The following TNFSF4 variants were observed in gnomAD, a reference collection of about 807,000 sequenced individuals.
TNFSF4 encodes the protein TNF superfamily member 4, also known as tumor necrosis factor ligand superfamily member 4.
Under a neutral mutation model 7.3 loss-of-function variants are expected in TNFSF4, and 4 were observed. The ratio of observed to expected loss-of-function variants is 0.55; its 90% confidence interval spans 0.27 to 1.25. The LOEUF is 1.25. Ranked by LOEUF, TNFSF4 falls within the 50% of genes most tolerant of loss-of-function variation. The probability of loss-of-function intolerance (pLI) is 0.12; values close to 1 mark genes in which losing one functional copy is unlikely to be tolerated. For synonymous variants in TNFSF4, 76 were observed against 83.7 expected (o/e 0.91, Z 0.50); for missense variants, 181 against 208.8 (o/e 0.87, Z 0.82).
At chr1:173,205,490 T>G in intron 1 of TNFSF4, 1 of 1,487,460 alleles carries the variant, frequency 6.7e-7, no homozygotes, top group Non-Finnish European at 8.9e-7. Context: ...GGTTCACCTT[T>G]TGCTCTCTCC....
At chr1:173,265,236 A>G in the TNFSF4 span, among the ~76,000 whole-genome samples, 1 of 152,222 alleles carries the variant, frequency 6.6e-6, no homozygotes, top group Non-Finnish European at 1.5e-5. Flanking sequence ...CTGAGAAAGG[A>G]GTCCAGAATA....
chr1:173,434,477 A>G, the TNFSF4 span, among the ~76,000 whole-genome samples: 1 of 152,206 alleles, frequency 6.6e-6, no homozygotes. Flanking sequence ...CAAGTGCCAA[A>G]TCAAAAGAAG....
chr1:173,233,009 C>T, the TNFSF4 span, among the ~76,000 whole-genome samples: 1 of 152,184 alleles, frequency 6.6e-6, no homozygotes, highest in African/African-American at 2.4e-5. Flanking sequence ...GAGAAGAAGG[C>T]TTCAGATGAT....
chr1:173,363,627 G>A, the TNFSF4 span: 11 of 407,040 alleles, frequency 2.7e-5, no homozygotes, highest in East Asian at 1.4e-4. Context: ...AAGGCTTATC[G>A]GATGGATGTA....
the TNFSF4 span, among the ~76,000 whole-genome samples, chr1:173,397,710 C>CA: frequency 6.6e-6 from 1 of 152,120 alleles, no homozygotes; most frequent in Non-Finnish European, 1.5e-5. Context: ...TGGGAAAGAT[C>CA]AAATGGAAGC....
chr1:173,219,883 T>C, the TNFSF4 span, among the ~76,000 whole-genome samples: 1 of 152,098 alleles, frequency 6.6e-6, no homozygotes, highest in Non-Finnish European at 1.5e-5. Context: ...ACAATGGACT[T>C]TGAGGACTCA....
At chr1:173,205,277 T>C in intron 1 of TNFSF4, 1 of 1,610,812 alleles carries the variant, frequency 6.2e-7, no homozygotes, top group African/African-American at 1.3e-5. Flanking sequence ...GTGCCAGGAC[T>C]ATAGAAGCTA....
chr1:173,371,513 C>T, the TNFSF4 span, among the ~76,000 whole-genome samples: 1 of 152,046 alleles, frequency 6.6e-6, no homozygotes, highest in Non-Finnish European at 1.5e-5. Flanking sequence ...TAAAAGACCC[C>T]CCTCCTTTTC....
chr1:173,306,073 T>A, the TNFSF4 span, among the ~76,000 whole-genome samples: 3 of 151,852 alleles, frequency 2.0e-5, no homozygotes, highest in Non-Finnish European at 4.4e-5. Flanking sequence ...CATTTTAACA[T>A]CTCATCTCAT....
At chr1:173,333,933 G>T in the TNFSF4 span, among the ~76,000 whole-genome samples, 1 of 151,980 alleles carries the variant, frequency 6.6e-6, no homozygotes, top group Non-Finnish European at 1.5e-5. Context: ...AGGGTTCAGG[G>T]TTCTCCAGGG....
the TNFSF4 span, among the ~76,000 whole-genome samples, chr1:173,352,222 C>T: frequency 1.1e-4 from 17 of 152,216 alleles, no homozygotes; most frequent in Admixed American, 7.2e-4. Context: ...TTCTCAGGAG[C>T]GGGGACACCT....
At chr1:173,410,998 T>C in the TNFSF4 span, among the ~76,000 whole-genome samples, 1 of 152,196 alleles carries the variant, frequency 6.6e-6, no homozygotes, top group Admixed American at 6.5e-5. Context: ...AGGCCTCTCA[T>C]GCTTCTTTCT....
chr1:173,395,376 TAATATATATATATATATATATATA>T, the TNFSF4 span, among the ~76,000 whole-genome samples: 6 of 40,108 alleles, frequency 1.5e-4, 2 homozygotes, highest in Admixed American at 2.4e-3. Context: ...ACTGTGTATA[TAATATATATATATATATATATATA>T]TATATATATA....
chr1:173,209,067 A>G (rs569095848), upstream of TNFSF4, among the ~76,000 whole-genome samples: 6 of 152,298 alleles, frequency 3.9e-5, no homozygotes, highest in Admixed American at 3.9e-4. Context: ...GCACAGAGTC[A>G]TCTCTACCCA....
intron 1 of TNFSF4, chr1:173,205,538 G>A: frequency 3.0e-6 from 4 of 1,354,574 alleles, no homozygotes; most frequent in Non-Finnish European, 3.8e-6. Context: ...GCCTTGAATG[G>A]AGCCATGTGT....
chr1:173,386,790 C>T, the TNFSF4 span, among the ~76,000 whole-genome samples: 4 of 152,164 alleles, frequency 2.6e-5, no homozygotes, highest in Non-Finnish European at 5.9e-5. Flanking sequence ...CAATCCCCAC[C>T]CCAGTGTGTT....
At chr1:173,175,951 G>T in the TNFSF4 span, among the ~76,000 whole-genome samples, 17 of 151,820 alleles carry the variant, frequency 1.1e-4, no homozygotes, top group African/African-American at 3.9e-4. Flanking sequence ...GTTTTTTTGT[G>T]TTTTTTTTCC....
chr1:173,406,938 T>C, the TNFSF4 span, among the ~76,000 whole-genome samples: 1 of 152,042 alleles, frequency 6.6e-6, no homozygotes, highest in African/African-American at 2.4e-5. Context: ...TGGGTGGTAC[T>C]GGGTTCTGAG....
the TNFSF4 span, among the ~76,000 whole-genome samples, chr1:173,233,128 C>T: frequency 6.6e-6 from 1 of 152,096 alleles, no homozygotes; most frequent in Admixed American, 6.6e-5. Flanking sequence ...GTAGAGAAGA[C>T]CTTAAATGAC....
Sources: gnomAD v4.1 joint callset for allele counts (sites outside exome capture counted in the v4.1 genomes callset) on GRCh38, gnomAD v4.1.1 for gene constraint, MANE v1.5 for transcripts, NCBI Gene and HGNC (gene_info 2026-07-23, HGNC 2026-07-21) for gene names.